The following PIEZO1 variants were observed in gnomAD, a reference collection of about 807,000 sequenced individuals.
PIEZO1 encodes piezo type mechanosensitive ion channel component 1 (Er blood group).
In PIEZO1, 296 loss-of-function variants were observed where a neutral mutation model predicts 297.2. The observed-to-expected ratio is 1.00, with a 90% CI of 0.91 to 1.10. PIEZO1 has a LOEUF of 1.10. Ranked by LOEUF, PIEZO1 falls within the 50% of genes least tolerant of loss-of-function variation. The probability of loss-of-function intolerance (pLI) is 0.00; values close to 1 mark genes in which losing one functional copy is unlikely to be tolerated. For synonymous variants in PIEZO1, 2,427 were observed against 1,507.5 expected (o/e 1.61, Z -14.13); for missense variants, 5,018 against 3,455.5 (o/e 1.45, Z -11.34).
rs35917730 is a variant in PIEZO1 at position 88,716,447 on chromosome 16, G to A, written c.6963C>T (p.Asn2321=). The A allele has an allele frequency of 0.014, 21,125 of 1,549,754 alleles. 200 individuals carry two copies. The highest frequency in any genetic ancestry group is 0.017 in the Non-Finnish European group (18,960 of 1,146,672). ...GGGCCAGGGCCAGCATGTGCTTCTC[G>A]TTGGCATACTCCACAGTGCCTCCCT... is the stretch of plus-strand genomic sequence containing the variant. ...LAKGGTVEYA[N]EKHMLALAPN... The change falls in exon 48 of 51, where the codon AAC becomes AAT. Residue 2321 remains asparagine, a synonymous_variant. Transcript: ENST00000301015.
intron 1 of PIEZO1, among the ~76,000 whole-genome samples, chr16:88,778,130 G>T (rs1302125103): frequency 1.3e-5 from 2 of 152,328 alleles, no homozygotes; most frequent in African/African-American, 4.8e-5. Flanking sequence ...GCACTGCGGG[G>T]GTCCAGGACT....
rs531840770 is a variant in PIEZO1 at position 88,731,892 on chromosome 16, C to A, written c.3010G>T (p.Val1004Leu). 2.5e-6 allele frequency: 1 copy of A among 402,082 alleles called. No individual in the cohort carries two copies. The highest frequency in any genetic ancestry group is 3.2e-6 in the Non-Finnish European group (1 of 315,778). The allele number at this position is 402,082 out of a possible 1,614,324, so 24.9% of individuals were successfully genotyped here. The change falls in exon 22 of 51, where the codon GTG (valine) becomes TTG (leucine). Residue 1004 changes from valine to leucine, a missense_variant. Coordinates refer to ENST00000301015, the MANE Select transcript of PIEZO1 (RefSeq NM_001142864.4). ...FGLEICFLMA[V>L]NVIGQRMNFL... ...TTCATGCGCTGCCCGATCACGTTCA[C>A]GGCCATCAGGAAGCAGATCTGGGGA...
intron 27 of PIEZO1, chr16:88,726,054 G>A (rs909004686): frequency 3.5e-6 from 2 of 576,532 alleles, no homozygotes; most frequent in African/African-American, 3.7e-5. Context: ...TGAGACACCA[G>A]CCACCGTCAG....
In PIEZO1 at chr16:88,733,979, C is replaced by G; in HGVS notation, c.2256G>C (p.Glu752Asp). 1 of 1,547,794 alleles carries G rather than the reference C, an allele frequency of 6.5e-7. No individual in the cohort carries two copies. Among genetic ancestry groups the G allele is most frequent in the Non-Finnish European group, 8.7e-7 (1 of 1,145,058 alleles). Residue 752 changes from glutamate (E) to aspartate (D), a missense_variant, in exon 17 of 51, where the codon GAG (glutamate) becomes GAC (aspartate). Physicochemically the swap from Glu to Asp is conservative, Grantham distance 45 (BLOSUM62 2). Transcript: ENST00000301015. ...QEHQQQQQEE[E>D]EEEEDSRDEG... ...CGTCCCTGGAGTCCTCCTCCTCCTC[C>G]TCCTCCTCCTGCTGCTGCTGCTGAT...
chr16:88,716,558 C>T lies in PIEZO1; in HGVS notation c.6926+1G>A. 1 of 1,541,948 alleles carries T rather than the reference C, an allele frequency of 6.5e-7. No homozygotes were observed. The highest frequency in any genetic ancestry group is 8.8e-7 in the Non-Finnish European group (1 of 1,141,394). ...GGCACTGCCCCAAGTCCAGGACGAA[C>T]CTCTGGAAGTTCCAGGTGAAGCGCA... On this transcript the variant is annotated splice_donor_variant, in intron 47 of 50. Coordinates refer to ENST00000301015, the MANE Select transcript of PIEZO1 (RefSeq NM_001142864.4). LOFTEE classifies it high-confidence loss of function.
At position 88,733,821 on chromosome 16, in the gene PIEZO1, CCA is replaced by C. The variant is rs1905035946; in HGVS notation, c.2330-78_2330-77del. The stretch of plus-strand genomic sequence containing the variant: ...CCCTGTGAGGAAGAGGCTCTGGAGC[CCA>C]GAGGGGACTCTGCCAACGCCCCCCG... On this transcript the variant is annotated intron_variant, in intron 17 of 50. Transcript: ENST00000301015. 5.5e-6 allele frequency: 8 copies of C among 1,466,284 alleles called. No homozygotes were observed. In the South Asian group the frequency reaches 9.6e-5, roughly 18 times the overall value. The allele number at this position is 1,466,284 out of a possible 1,614,324, so 90.8% of individuals were successfully genotyped here.
At chr16:88,761,535 G>T (rs1906932095) in intron 1 of PIEZO1, among the ~76,000 whole-genome samples, 1 of 152,210 alleles carries the variant, frequency 6.6e-6, no homozygotes, top group Non-Finnish European at 1.5e-5. Flanking sequence ...CTTGCGGGGT[G>T]GGGGCGGGTG....
intron 1 of PIEZO1, among the ~76,000 whole-genome samples, chr16:88,752,212 G>A (rs182064224): frequency 5.4e-4 from 83 of 152,368 alleles, no homozygotes; most frequent in African/African-American, 1.9e-3. Context: ...GCCGGGTGTG[G>A]TGGCTGAGGC....
chr16:88,736,435 T>G lies in PIEZO1; in HGVS notation c.1297-27A>C, dbSNP rs777724937. 3.9e-6 allele frequency: 6 copies of G among 1,519,410 alleles called. No individual in the cohort carries two copies. The Admixed American group carries it at 6.0e-5, about 15-fold the overall frequency. The allele number at this position is 1,519,410 out of a possible 1,614,324, so 94.1% of individuals were successfully genotyped here. A position where few individuals can be genotyped will look rare whatever the true frequency, so the allele number is the denominator to read the frequency against. ...TGCGCGGCAGAGAGGGCTGCACAGC[T>G]GCCCAGCGCACCCCACCCAGGCGAT... On this transcript the variant is annotated intron_variant, in intron 11 of 50. Transcript: ENST00000301015.
chr16:88,741,349 CT>C lies in PIEZO1; in HGVS notation c.465+128del, dbSNP rs989164633. 1.9e-5 allele frequency: 17 copies of C among 881,936 alleles called. No homozygotes were observed. In the African/African-American group the frequency reaches 2.7e-4, roughly 14 times the overall value. The allele number at this position is 881,936 out of a possible 1,614,324, so 54.6% of individuals were successfully genotyped here. On this transcript the variant is annotated intron_variant, in intron 5 of 50. Coordinates refer to ENST00000301015, the MANE Select transcript of PIEZO1 (RefSeq NM_001142864.4). ...GGGGTGGGATTTGGAACTTCCTCCT[CT>C]CTTTAACACCAACTTACAACCAAAA...
rs1311821063 is a variant in PIEZO1, at chr16:88,727,537, G to A, written c.3301+20C>T. The A allele has an allele frequency of 8.1e-6, 8 of 987,306 alleles. No homozygotes were observed. Among genetic ancestry groups the A allele is most frequent in the Admixed American group, 2.4e-5 (1 of 41,516 alleles). The allele number at this position is 987,306 out of a possible 1,614,324, so 61.2% of individuals were successfully genotyped here. A position where few individuals can be genotyped will look rare whatever the true frequency, so the allele number is the denominator to read the frequency against. On this transcript the variant is annotated intron_variant, in intron 23 of 50. Transcript: ENST00000301015. ...CTCTGAGGGTCCTCTGCAGAGGCGG[G>A]GGTGGTGGGGGGCACTCACTGATGA...
chr16:88,754,759 G>A (rs894292249), intron 1 of PIEZO1, among the ~76,000 whole-genome samples: 5 of 152,334 alleles, frequency 3.3e-5, no homozygotes, highest in South Asian at 4.1e-4. Context: ...GCCGGGGCCC[G>A]CAGGCCAGCG....
At chr16:88,733,502 A>C (rs1415597816) in intron 18 of PIEZO1, 48 bp from the exon 19 acceptor site, 23 of 1,532,612 alleles carry the variant, frequency 1.5e-5, no homozygotes, top group Non-Finnish European at 2.0e-5. Context: ...GGCAGTGGGC[A>C]CGTGGGGCTG....
chr16:88,756,339 T>C (rs11076713), intron 1 of PIEZO1, among the ~76,000 whole-genome samples: 102,317 of 152,022 alleles, frequency 0.67, 35,303 homozygotes, highest in African/African-American at 0.84. Context: ...TCGTTCTGCC[T>C]CGGGACTCTG....
chr16:88,725,730 C>T (rs575057330), intron 27 of PIEZO1, 46 bp from the exon 28 acceptor site: 3 of 1,002,926 alleles, frequency 3.0e-6, no homozygotes, highest in East Asian at 5.2e-5. Context: ...CACTCGACCC[C>T]AGCAACATGG....
At chr16:88,726,982 G>A (rs769163406) in intron 24 of PIEZO1, 24 bp from the exon 25 acceptor site, 110 of 1,549,268 alleles carry the variant, frequency 7.1e-5, no homozygotes, top group Middle Eastern at 3.3e-4. Flanking sequence ...GCGTCAGGGC[G>A]GGCGCCCCGG....
intron 50 of PIEZO1, 36 bp downstream of exon 50, chr16:88,715,897 C>A (rs1213035788): frequency 6.5e-7 from 1 of 1,538,510 alleles, no homozygotes; most frequent in African/African-American, 1.4e-5. Flanking sequence ...CCGGAGCCCC[C>A]CGAGCTGCGG....
At chr16:88,773,054 G>A (rs993575246) in intron 1 of PIEZO1, among the ~76,000 whole-genome samples, 10 of 152,350 alleles carry the variant, frequency 6.6e-5, no homozygotes, top group African/African-American at 2.4e-4. Context: ...GAAGCTTCTG[G>A]CACTCCAGGG....
In PIEZO1 at chr16:88,732,371, G is replaced by C; in HGVS notation, c.2955C>G (p.Tyr985Ter). 1.3e-6 allele frequency: 2 copies of C among 1,549,714 alleles called. No individual in the cohort carries two copies. Among genetic ancestry groups the C allele is most frequent in the Non-Finnish European group, 1.7e-6 (2 of 1,146,472 alleles). Residue 985 changes from tyrosine to a stop codon, truncating the protein, a stop_gained, in exon 21 of 51, where the codon TAC (tyrosine) becomes TAG (stop). Coordinates refer to ENST00000301015, the MANE Select transcript of PIEZO1 (RefSeq NM_001142864.4). LOFTEE classifies it high-confidence loss of function. ...LDQDLLGCLKYFINFFFYKFG... is the reference protein window; with the variant it reads ...LDQDLLGCLK The stretch of plus-strand genomic sequence containing the variant: ...ATTTGTAGAAGAAGAAGTTGATGAA[G>C]TACTTGAGGCAGCCGAGCAGATCCT...
Sources: allele counts gnomAD v4.1 joint callset (sites outside exome capture counted in the v4.1 genomes callset), GRCh38; gene constraint gnomAD v4.1.1; transcripts MANE v1.5; gene names NCBI Gene and HGNC (gene_info 2026-07-23, HGNC 2026-07-21).